The following LAMA2 variants were observed in gnomAD, a reference collection of about 807,000 sequenced individuals.
LAMA2 encodes the protein laminin subunit alpha 2.
A neutral mutation model predicts 364.8 loss-of-function variants in LAMA2; 269 were observed. The observed-to-expected ratio is 0.74, with a 90% CI of 0.67 to 0.82. The LOEUF is 0.82. Ranked by LOEUF, LAMA2 falls within the 40% of genes least tolerant of loss-of-function variation. The probability of loss-of-function intolerance (pLI) is 0.00; values close to 1 mark genes in which losing one functional copy is unlikely to be tolerated. For synonymous variants in LAMA2, 1,379 were observed against 1,370.6 expected (o/e 1.01, Z -0.14); for missense variants, 3,807 against 3,873.2 (o/e 0.98, Z 0.45).
chr6:129,498,924 G>A lies in LAMA2; in HGVS notation c.8245-3735G>A, dbSNP rs536689048. 2.8e-3 allele frequency among the ~76,000 whole-genome samples: 420 copies of A among 152,322 alleles called. 2 individuals carry two copies. Among genetic ancestry groups the A allele is most frequent in the African/African-American group, 9.6e-3 (398 of 41,572 alleles). Reference sequence around the variant, plus strand: ...GCTTTATTCTGACCTGAAGTTAAATGAGTGACAGTGTGGGGGTGAAAACGT... The same window carrying A: ...GCTTTATTCTGACCTGAAGTTAAATAAGTGACAGTGTGGGGGTGAAAACGT... On this transcript the variant is annotated intron_variant, in intron 58 of 64. Transcript: ENST00000421865.
Position 128,989,419 on chromosome 6 carries a change from C to G in LAMA2, c.113-60499C>G, listed in dbSNP as rs183881314. Among the ~76,000 whole-genome samples, 318 of 152,274 alleles carry G rather than the reference C, an allele frequency of 2.1e-3. 2 individuals carry two copies. The highest frequency in any genetic ancestry group is 6.8e-3 in the Middle Eastern group (2 of 294). On this transcript the variant is annotated intron_variant, in intron 1 of 64. Transcript: ENST00000421865. ...ATAGAATAGTATTTGAATTACCTGCCTAGGCTTTGCAAGCCTAGACCTTTG... is the reference window on the plus strand; with the variant it reads ...ATAGAATAGTATTTGAATTACCTGCGTAGGCTTTGCAAGCCTAGACCTTTG...
At chr6:128,988,055 G>A (rs911553380) in intron 1 of LAMA2, among the ~76,000 whole-genome samples, 12 of 151,962 alleles carry the variant, frequency 7.9e-5, no homozygotes, top group Non-Finnish European at 1.2e-4. Context: ...TAGTAGAGAC[G>A]GGGTTTCACC....
At chr6:128,945,444 T>C (rs138782096) in intron 1 of LAMA2, among the ~76,000 whole-genome samples, 26 of 152,380 alleles carry the variant, frequency 1.7e-4, no homozygotes, top group African/African-American at 6.3e-4. Flanking sequence ...AGCTGCTTTT[T>C]CTTATTTCAT....
At chr6:129,434,999 T>A (rs1781767742) in intron 41 of LAMA2, among the ~76,000 whole-genome samples, 1 of 151,378 alleles carries the variant, frequency 6.6e-6, no homozygotes, top group Admixed American at 6.6e-5. Flanking sequence ...AACTTGCTAG[T>A]ACAAAAAAAA....
chr6:129,172,982 C>G (rs1249340334), intron 9 of LAMA2, among the ~76,000 whole-genome samples: 3 of 152,252 alleles, frequency 2.0e-5, no homozygotes, highest in Non-Finnish European at 4.4e-5. Context: ...AGGGAACTCC[C>G]TGACCCCTTG....
At chr6:129,156,819 G>A (rs958092516) in intron 8 of LAMA2, among the ~76,000 whole-genome samples, 18 of 152,054 alleles carry the variant, frequency 1.2e-4, no homozygotes, top group African/African-American at 4.3e-4. Context: ...TAAAGCTGGT[G>A]GGGAAGCTAT....
At chr6:129,297,926 G>GT (rs1773296800) in intron 21 of LAMA2, 61 bp downstream of exon 21, 4 of 1,381,804 alleles carry the variant, frequency 2.9e-6, no homozygotes, top group Middle Eastern at 1.8e-4. Context: ...TCTGACTTCT[G>GT]TAACAGTTTG....
intron 2 of LAMA2, among the ~76,000 whole-genome samples, chr6:129,056,895 C>A (rs895318982): frequency 2.2e-5 from 1 of 46,458 alleles, no homozygotes; most frequent in African/African-American, 6.5e-5. Context: ...CATGCCTGTG[C>A]TATTTTTTTT....
chr6:129,335,356 G>GTAGGTAGATAGA (rs763964423), intron 29 of LAMA2, among the ~76,000 whole-genome samples: 122 of 148,482 alleles, frequency 8.2e-4, no homozygotes, highest in African/African-American at 2.8e-3. Context: ...TAGTAAGTAG[G>GTAGGTAGATAGA]TAGATAGATA....
At chr6:129,182,882 T>C (rs1403609041) in intron 10 of LAMA2, among the ~76,000 whole-genome samples, 1 of 151,862 alleles carries the variant, frequency 6.6e-6, no homozygotes, top group African/African-American at 2.4e-5. Context: ...GCATGTTATA[T>C]GTGCTTTTTG....
chr6:129,473,453 AC>A, intron 52 of LAMA2, 101 bp downstream of exon 52: 1 of 1,185,850 alleles, frequency 8.4e-7, no homozygotes, highest in Non-Finnish European at 1.2e-6. Context: ...ATGTCATATA[AC>A]CCTTGGTTGC....
intron 12 of LAMA2, among the ~76,000 whole-genome samples, chr6:129,247,406 G>C (rs1785830254): frequency 6.6e-6 from 1 of 152,280 alleles, no homozygotes; most frequent in South Asian, 2.1e-4. Context: ...AGCTAAGATG[G>C]TGCCACTCCA....
At position 129,102,420 on chromosome 6, in the gene LAMA2, C is replaced by T. The variant is rs186823536; in HGVS notation, c.639+4005C>T. ...AAAGTGCTAGGATTACAGGCATGAGCCACTGTGCCCAGCCTGGTTCATTTT... is the reference window on the plus strand; with the variant it reads ...AAAGTGCTAGGATTACAGGCATGAGTCACTGTGCCCAGCCTGGTTCATTTT... On this transcript the variant is annotated intron_variant, in intron 4 of 64. Transcript: ENST00000421865. 1.9e-3 allele frequency among the ~76,000 whole-genome samples: 289 copies of T among 152,008 alleles called. 1 individual carries two copies. Among genetic ancestry groups the T allele is most frequent in the African/African-American group, 6.7e-3 (277 of 41,532 alleles).
chr6:129,067,166 C>T (rs1251166596), intron 3 of LAMA2, among the ~76,000 whole-genome samples: 2 of 152,154 alleles, frequency 1.3e-5, no homozygotes, highest in Non-Finnish European at 2.9e-5. Context: ...CTATTTGGGT[C>T]ACTGCTAAAT....
At chr6:129,443,520 C>CA (rs1169751632) in intron 44 of LAMA2, among the ~76,000 whole-genome samples, 1 of 152,170 alleles carries the variant, frequency 6.6e-6, no homozygotes. Flanking sequence ...TCTGATAACA[C>CA]AAATTCACCC....
chr6:129,505,386 A>AAT, intron 61 of LAMA2, 31 bp downstream of exon 61: 1 of 1,559,292 alleles, frequency 6.4e-7, no homozygotes, highest in Non-Finnish European at 8.8e-7. Flanking sequence ...TTATTACTTA[A>AAT]ATATATGGCT....
intron 31 of LAMA2, among the ~76,000 whole-genome samples, chr6:129,351,372 G>A (rs1042821521): frequency 2.0e-5 from 3 of 152,146 alleles, no homozygotes; most frequent in Non-Finnish European, 4.4e-5. Flanking sequence ...GTCAGTTTGT[G>A]TAGCATAGAG....
rs572442698 is a variant in LAMA2, at chr6:129,249,972, C to T, written c.1783-140C>T. The T allele has an allele frequency of 2.0e-3, 1,367 of 692,394 alleles. 1 individual carries two copies. Among genetic ancestry groups the T allele is most frequent in the Non-Finnish European group, 3.2e-3 (1,211 of 378,742 alleles). The allele number at this position is 692,394 out of a possible 1,614,324, so 42.9% of individuals were successfully genotyped here. ...TACTCCTAAATAAATGCCTATCATT[C>T]CCACTCCGTACTCCAGTGATTTCTG... On this transcript the variant is annotated intron_variant, in intron 12 of 64. Coordinates refer to ENST00000421865, the MANE Select transcript of LAMA2 (RefSeq NM_000426.4).
rs142766226 is a variant in LAMA2, at chr6:129,371,120, A to G, written c.4959+1130A>G. On this transcript the variant is annotated intron_variant, in intron 34 of 64. Coordinates refer to ENST00000421865, the MANE Select transcript of LAMA2 (RefSeq NM_000426.4). ...ATTTGTTATAAATAAGAATTTTCTA[A>G]CAGGTCATGGTAGAATAAATCAATT... 2.5e-4 allele frequency among the ~76,000 whole-genome samples: 38 copies of G among 152,336 alleles called. No individual in the cohort carries two copies. The East Asian group carries it at 7.1e-3, about 29-fold the overall frequency.
Sources: allele counts gnomAD v4.1 joint callset (sites outside exome capture counted in the v4.1 genomes callset), GRCh38; gene constraint gnomAD v4.1.1; transcripts MANE v1.5; gene names NCBI Gene and HGNC (gene_info 2026-07-23, HGNC 2026-07-21).